PCDHA7: variants seen among roughly 807,000 people sequenced by gnomAD.
The protein encoded by PCDHA7 is protocadherin alpha 7.
Under a neutral mutation model 57.2 loss-of-function variants are expected in PCDHA7, and 37 were observed. That is an observed-to-expected ratio of 0.65 (90% CI 0.50 to 0.85). The LOEUF is 0.85. Ranked by LOEUF, PCDHA7 falls within the 40% of genes least tolerant of loss-of-function variation. The pLI is 0.00. For synonymous variants in PCDHA7, 553 were observed against 558.8 expected (o/e 0.99, Z 0.15); for missense variants, 1,188 against 1,241.8 (o/e 0.96, Z 0.65).
At chr5:140,897,356 CCA>C (rs2066046729) in intron 1 of PCDHA7, among the ~76,000 whole-genome samples, 1 of 134,770 alleles carries the variant, frequency 7.4e-6, no homozygotes, top group South Asian at 2.4e-4. Context: ...ACAACTGTCC[CCA>C]GAGTGTGATG....
chr5:140,895,885 C>T (rs2065231883), intron 1 of PCDHA7, among the ~76,000 whole-genome samples: 1 of 152,174 alleles, frequency 6.6e-6, no homozygotes, highest in South Asian at 2.1e-4. Context: ...GATCTCGGCT[C>T]ACTGCAACCT....
chr5:140,965,999 A>T (rs1300275113), intron 1 of PCDHA7, among the ~76,000 whole-genome samples: 1 of 152,140 alleles, frequency 6.6e-6, no homozygotes, highest in Non-Finnish European at 1.5e-5. Context: ...AGTACTTAAG[A>T]GTGTCCAGGG....
At chr5:140,876,673 T>C (rs1554168774) in intron 1 of PCDHA7, 1 of 1,614,206 alleles carries the variant, frequency 6.2e-7, no homozygotes, top group Non-Finnish European at 8.5e-7. Flanking sequence ...GGTGTCCACC[T>C]ACAAGAATTA....
intron 3 of PCDHA7, among the ~76,000 whole-genome samples, chr5:140,994,104 T>C (rs1356172498): frequency 6.6e-6 from 1 of 152,210 alleles, no homozygotes; most frequent in Non-Finnish European, 1.5e-5. Context: ...ATGGAAATAT[T>C]ACATTGTCAT....
rs1232037230 is a variant in PCDHA7 at position 140,844,720 on chromosome 5, C to T, written c.2355+7982C>T. On this transcript the variant is annotated intron_variant, in intron 1 of 3. Coordinates refer to ENST00000525929, the MANE Select transcript of PCDHA7 (RefSeq NM_018910.3). ...TTGGGATTATCATGGCCCATTAGTTCGTGTAAAAATATTTAGTATTATGGG... is the reference window on the plus strand; with the variant it reads ...TTGGGATTATCATGGCCCATTAGTTTGTGTAAAAATATTTAGTATTATGGG... Among the ~76,000 whole-genome samples the T allele has an allele frequency of 5.4e-5, 8 of 149,304 alleles. 1 individual carries two copies. Among genetic ancestry groups the T allele is most frequent in the East Asian group, 1.9e-4 (1 of 5,172 alleles).
chr5:140,971,050 C>G (rs2096454255), intron 1 of PCDHA7, among the ~76,000 whole-genome samples: 1 of 152,146 alleles, frequency 6.6e-6, no homozygotes, highest in South Asian at 2.1e-4. Context: ...AAGGGTTTAG[C>G]TTTAAATAAG....
chr5:140,911,485 A>G (rs1387982810), intron 1 of PCDHA7, among the ~76,000 whole-genome samples: 1 of 152,152 alleles, frequency 6.6e-6, no homozygotes, highest in East Asian at 1.9e-4. Context: ...ACTCAGGGCA[A>G]TCTTAGCAGG....
rs2150411782 is a variant in PCDHA7 at position 140,848,517 on chromosome 5, G to T, written c.2355+11779G>T. 2.4e-5 allele frequency: 38 copies of T among 1,592,614 alleles called. 5 individuals carry two copies. The highest frequency in any genetic ancestry group is 3.3e-4 in the Middle Eastern group (2 of 5,984). On this transcript the variant is annotated intron_variant, in intron 1 of 3. Coordinates refer to ENST00000525929, the MANE Select transcript of PCDHA7 (RefSeq NM_018910.3). ...TGAAATGTTATACTCAAGTCGAGGAGATCCAGAGGGTCAGCCTCTACTGCT... is the reference window on the plus strand; with the variant it reads ...TGAAATGTTATACTCAAGTCGAGGATATCCAGAGGGTCAGCCTCTACTGCT...
Position 140,932,626 on chromosome 5 carries a change from C to T in PCDHA7, c.2356-46323C>T, listed in dbSNP as rs965543719. 1.2e-4 allele frequency among the ~76,000 whole-genome samples: 18 copies of T among 151,670 alleles called. 1 individual carries two copies. The highest frequency in any genetic ancestry group is 8.9e-5 in the Non-Finnish European group (6 of 67,754). On this transcript the variant is annotated intron_variant, in intron 1 of 3. Coordinates refer to ENST00000525929, the MANE Select transcript of PCDHA7 (RefSeq NM_018910.3). ...TTTGACTTTGAAGCTGATAACCACA[C>T]TAAAAAACTTTAGAATGATGAAACT...
chr5:140,949,656 GT>G (rs782242887), intron 1 of PCDHA7, among the ~76,000 whole-genome samples: 5 of 151,274 alleles, frequency 3.3e-5, no homozygotes, highest in Non-Finnish European at 7.4e-5. Context: ...TTTTACTTTT[GT>G]TTCTTTAAAG....
At chr5:140,995,698 G>A (rs963042409) in intron 3 of PCDHA7, among the ~76,000 whole-genome samples, 2 of 152,104 alleles carry the variant, frequency 1.3e-5, no homozygotes, top group African/African-American at 2.4e-5. Flanking sequence ...TTAAATAAAG[G>A]GCTGGGCTTG....
At chr5:140,837,768 C>T (rs1391486118) in intron 1 of PCDHA7, among the ~76,000 whole-genome samples, 1 of 151,702 alleles carries the variant, frequency 6.6e-6, no homozygotes, top group Non-Finnish European at 1.5e-5. Flanking sequence ...CCTGAAAGTC[C>T]TGGGCTCACA....
Position 140,835,640 on chromosome 5 carries a change from C to G in PCDHA7, c.1257C>G (p.Ser419=). 5.6e-6 allele frequency: 9 copies of G among 1,613,888 alleles called. No individual in the cohort carries two copies. Among genetic ancestry groups the G allele is most frequent in the South Asian group, 1.1e-5 (1 of 91,074 alleles). Reference sequence around the variant, plus strand: ...GCGCTCTGGACCGCGAGAGTGTGTCCGCCTATGAGCTGGTGGTTACCGCGC... The same window carrying G: ...GCGCTCTGGACCGCGAGAGTGTGTCGGCCTATGAGCTGGTGGTTACCGCGC... ...LDSALDRESV[S]AYELVVTARD... Residue 419 remains serine (S), a synonymous_variant, in exon 1 of 4, where the codon TCC becomes TCG. Transcript: ENST00000525929.
rs782290158 is a variant in PCDHA7 at position 140,836,172 on chromosome 5, G to A, written c.1789G>A (p.Val597Ile). ...AGHVVAKVRA[V>I]DADSGYNAWL... Reference sequence around the variant, plus strand: ...CCATGTGGTGGCGAAGGTACGTGCAGTTGACGCTGACTCAGGCTACAACGC... The same window carrying A: ...CCATGTGGTGGCGAAGGTACGTGCAATTGACGCTGACTCAGGCTACAACGC... Residue 597 changes from valine (V) to isoleucine (I), a missense_variant, in exon 1 of 4, where the codon GTT becomes ATT. Val to Ile is a conservative substitution (Grantham distance 29, BLOSUM62 3). This residue lies in a region of PCDHA7 where 892 missense variants were observed against 788.5 expected (regional missense o/e 1.13). Transcript: ENST00000525929. The A allele has an allele frequency of 6.2e-7, 1 of 1,613,766 alleles. No individual in the cohort carries two copies. The highest frequency in any genetic ancestry group is 8.5e-7 in the Non-Finnish European group (1 of 1,179,822).
Position 140,857,707 on chromosome 5 carries a change from C to T in PCDHA7, c.2355+20969C>T, listed in dbSNP as rs1554150544. Reference sequence around the variant, plus strand: ...GCAGCAACTTGACGCTGCAGGTGTTCGTGCTGGACGAGAACGACAACGCTC... The same window carrying T: ...GCAGCAACTTGACGCTGCAGGTGTTTGTGCTGGACGAGAACGACAACGCTC... On this transcript the variant is annotated intron_variant, in intron 1 of 3. Coordinates refer to ENST00000525929, the MANE Select transcript of PCDHA7 (RefSeq NM_018910.3). 3.1e-6 allele frequency: 5 copies of T among 1,597,080 alleles called. 1 individual carries two copies. Among genetic ancestry groups the T allele is most frequent in the East Asian group, 2.2e-5 (1 of 44,802 alleles).
intron 1 of PCDHA7, chr5:140,877,199 C>T (rs1345698735): frequency 8.7e-6 from 14 of 1,613,698 alleles, no homozygotes; most frequent in Non-Finnish European, 1.2e-5. Flanking sequence ...GCAGGAGGCG[C>T]AGTTAGCGAG....
intron 1 of PCDHA7, among the ~76,000 whole-genome samples, chr5:140,896,328 A>G (rs1157543991): frequency 6.6e-6 from 1 of 152,138 alleles, no homozygotes; most frequent in Non-Finnish European, 1.5e-5. Flanking sequence ...CACAGTGGCT[A>G]AACTAATTTA....
intron 1 of PCDHA7, among the ~76,000 whole-genome samples, chr5:140,940,974 A>G (rs1206597858): frequency 6.6e-6 from 1 of 152,220 alleles, no homozygotes; most frequent in Non-Finnish European, 1.5e-5. Flanking sequence ...GATATCTGGT[A>G]TCTAGTTACA....
chr5:140,844,241 C>T (rs1267423212), intron 1 of PCDHA7, among the ~76,000 whole-genome samples: 3 of 149,082 alleles, frequency 2.0e-5, no homozygotes, highest in African/African-American at 7.4e-5. Flanking sequence ...TCACTATTGC[C>T]GTTTTAAGCA....
Sources: gnomAD v4.1 joint callset for allele counts (sites outside exome capture counted in the v4.1 genomes callset) on GRCh38, gnomAD v4.1.1 for gene constraint, gnomAD v4.1.1 regional missense constraint, MANE v1.5 for transcripts, NCBI Gene and HGNC (gene_info 2026-07-23, HGNC 2026-07-21) for gene names.